LTN1: variants seen among roughly 807,000 people sequenced by gnomAD.
LTN1 encodes the protein E3 ubiquitin-protein ligase listerin.
In LTN1, 88 loss-of-function variants were observed where a neutral mutation model predicts 201.2. That is an observed-to-expected ratio of 0.44 (90% CI 0.37 to 0.52). The LOEUF (loss-of-function observed/expected upper bound fraction) is 0.52. Ranked by LOEUF, LTN1 falls within the 20% of genes least tolerant of loss-of-function variation. The pLI is 0.00. For synonymous variants in LTN1, 645 were observed against 713.5 expected (o/e 0.90, Z 1.53); for missense variants, 1,752 against 2,038.7 (o/e 0.86, Z 2.71).
chr21:28,976,561 C>T lies in LTN1; in HGVS notation c.810+4558G>A, dbSNP rs935893109. Among the ~76,000 whole-genome samples, 25 of 146,664 alleles carry T rather than the reference C, an allele frequency of 1.7e-4. 2 individuals are homozygous for T. The highest frequency in any genetic ancestry group is 3.5e-3 in the Middle Eastern group (1 of 286). ...GTTGCAGTGAGCCAAGATGACACCA[C>T]GGCACTCCAGTGTGGGCAACAAAGT... On this transcript the variant is annotated intron_variant, in intron 6 of 29. Transcript: ENST00000361371.
rs762415745 is a variant in LTN1 at position 28,956,881 on chromosome 21, T to C, written c.2960A>G (p.Lys987Arg). 1 of 1,611,644 alleles carries C rather than the reference T, an allele frequency of 6.2e-7. No individual in the cohort carries two copies. The highest frequency in any genetic ancestry group is 1.7e-5 in the Admixed American group (1 of 59,728). Residue 987 changes from lysine to arginine, a missense_variant, in exon 16 of 30, where the codon AAG (lysine) becomes AGG (arginine). By Grantham distance (26) the Lys-to-Arg change is conservative. Around this residue, in one of 3 missense-constraint regions of LTN1, gnomAD observed 1,211 missense variants for 1,312.8 expected, o/e 0.92. Transcript: ENST00000361371. Reference sequence around the variant, plus strand: ...GGGAAGTGTCTTTATGTCCTGTTCCTTAAAATCTGTTTTGAAACATTCATA... The same window carrying C: ...GGGAAGTGTCTTTATGTCCTGTTCCCTAAAATCTGTTTTGAAACATTCATA... ...LNYECFKTDF[K>R]EQDIKTLPSH...
chr21:28,965,988 G>T, intron 10 of LTN1, 82 bp from the exon 11 acceptor site: 2 of 863,706 alleles, frequency 2.3e-6, no homozygotes, highest in Non-Finnish European at 3.6e-6. Flanking sequence ...GCCCAGGCTA[G>T]TCTAGAACTC....
At chr21:28,953,874 A>C (rs1046972390) in intron 16 of LTN1, among the ~76,000 whole-genome samples, 1 of 152,160 alleles carries the variant, frequency 6.6e-6, no homozygotes, top group African/African-American at 2.4e-5. Flanking sequence ...GATACTACGA[A>C]CTACCTCACA....
intron 6 of LTN1, among the ~76,000 whole-genome samples, chr21:28,978,058 C>G (rs971442864): frequency 6.6e-6 from 1 of 151,372 alleles, no homozygotes; most frequent in African/African-American, 2.4e-5. Flanking sequence ...TTAATAGGTT[C>G]CTGCTCTTCC....
chr21:28,992,224 G>C (rs62224020), intron 1 of LTN1, among the ~76,000 whole-genome samples: 1 of 152,058 alleles, frequency 6.6e-6, no homozygotes, highest in Non-Finnish European at 1.5e-5. Flanking sequence ...ACAGTGAAGA[G>C]ATCAGTGTGG....
chr21:28,964,481 T>C (rs1568847828), intron 11 of LTN1: 1 of 1,132,636 alleles, frequency 8.8e-7, no homozygotes. Context: ...ATTGCACACT[T>C]AATAGACTGT....
rs772318991 is a variant in LTN1, at chr21:28,966,654, G to A, written c.1837C>T (p.His613Tyr). The stretch of plus-strand genomic sequence containing the variant: ...AGCAGAGTAGAAAGAAACCTTAGAT[G>A]TTGCTCTGACTTTCGTTCATTGACA... ...NYVNERKSEQ[H>Y]LRFLSTLLDS... The change falls in exon 10 of 30, where the codon CAT (histidine) becomes TAT (tyrosine). Residue 613 changes from histidine to tyrosine, a missense_variant. By Grantham distance (83) the His-to-Tyr change is moderately conservative (BLOSUM62 2). Coordinates refer to ENST00000361371, the MANE Select transcript of LTN1 (RefSeq NM_015565.3). 6.2e-7 allele frequency: 1 copy of A among 1,613,860 alleles called. No homozygotes were observed. The highest frequency in any genetic ancestry group is 1.3e-5 in the African/African-American group (1 of 74,908).
rs550460553 is a variant in LTN1, at chr21:28,943,871, T to C, written c.4016A>G (p.Gln1339Arg). Residue 1339 changes from glutamine (Q) to arginine (R), a missense_variant, in exon 23 of 30, where the codon CAG becomes CGG. Gln to Arg is a conservative substitution (Grantham distance 43, BLOSUM62 1). This residue lies in a region of LTN1 where 1,211 missense variants were observed against 1,312.8 expected (regional missense o/e 0.92). Coordinates refer to ENST00000361371, the MANE Select transcript of LTN1 (RefSeq NM_015565.3). ...ACACATGGGTTTCAGCATTGCATTC[T>C]GAAAGGATGTTTCAGACACATCTTT... ...ENKDVSETSFQNAMLKPMCET... is the reference protein window; with the variant it reads ...ENKDVSETSFRNAMLKPMCET... 2 of 1,613,402 alleles carry C rather than the reference T, an allele frequency of 1.2e-6. No homozygotes were observed. The highest frequency in any genetic ancestry group is 2.2e-5 in the South Asian group (2 of 91,064).
At position 28,966,817 on chromosome 21, in the gene LTN1, T is replaced by C; in HGVS notation, c.1674A>G (p.Ser558=). Residue 558 remains serine, a synonymous_variant, in exon 10 of 30, where the codon TCA becomes TCG. Coordinates refer to ENST00000361371, the MANE Select transcript of LTN1 (RefSeq NM_015565.3). ...CCCAGCCTTCAATCTTCTCTCCTTC[T>C]GAAGATACACATTTTTCATTCTCTT... ...SNKENEKCVS[S]EGEKIEGWEL... 3 of 1,612,448 alleles carry C rather than the reference T, an allele frequency of 1.9e-6. No individual in the cohort carries two copies. Among genetic ancestry groups the C allele is most frequent in the Non-Finnish European group, 2.5e-6 (3 of 1,179,536 alleles).
intron 16 of LTN1, 149 bp from the exon 17 acceptor site, chr21:28,953,525 G>T: frequency 1.9e-6 from 1 of 518,210 alleles, no homozygotes; most frequent in African/African-American, 2.0e-5. Flanking sequence ...GCTTTGAGAT[G>T]TTCAAGGACA....
intron 18 of LTN1, among the ~76,000 whole-genome samples, chr21:28,948,949 T>C (rs1460764716): frequency 6.6e-6 from 1 of 152,220 alleles, no homozygotes; most frequent in Non-Finnish European, 1.5e-5. Flanking sequence ...TATATGTTGG[T>C]GATCTCAAAT....
intron 1 of LTN1, among the ~76,000 whole-genome samples, chr21:28,988,913 C>T (rs184110644): frequency 1.7e-4 from 26 of 150,660 alleles, no homozygotes; most frequent in Non-Finnish European, 1.2e-4. Flanking sequence ...TGCAGTGAGT[C>T]GAGATTGCGC....
intron 27 of LTN1, among the ~76,000 whole-genome samples, chr21:28,934,762 C>A (rs908430266): frequency 1.3e-5 from 2 of 152,022 alleles, no homozygotes; most frequent in African/African-American, 2.4e-5. Flanking sequence ...CGGCCTAAAC[C>A]TCTTTTCTTT....
chr21:28,980,272 A>T (rs1425849474), intron 6 of LTN1, among the ~76,000 whole-genome samples: 1 of 151,708 alleles, frequency 6.6e-6, no homozygotes, highest in African/African-American at 2.4e-5. Flanking sequence ...TATGAGTTAG[A>T]TACGCTTTAT....
intron 7 of LTN1, 110 bp from the exon 8 acceptor site, chr21:28,970,852 A>T: frequency 1.4e-6 from 1 of 728,998 alleles, no homozygotes; most frequent in Non-Finnish European, 2.0e-6. Context: ...ATTTTACCTA[A>T]AAAAAGCTAA....
chr21:28,939,202 G>C (rs934632850), intron 25 of LTN1, among the ~76,000 whole-genome samples: 1 of 152,094 alleles, frequency 6.6e-6, no homozygotes. Flanking sequence ...ATGATTTTAA[G>C]TAGTATACAG....
At chr21:28,931,571 T>C (rs1441082791) in intron 28 of LTN1, among the ~76,000 whole-genome samples, 1 of 152,258 alleles carries the variant, frequency 6.6e-6, no homozygotes, top group East Asian at 1.9e-4. Flanking sequence ...AGTGTTATAG[T>C]CTAAGCTTGT....
chr21:28,969,685 G>C (rs537452127), intron 8 of LTN1, 84 bp from the exon 9 acceptor site: 1 of 966,830 alleles, frequency 1.0e-6, no homozygotes, highest in East Asian at 2.6e-5. Context: ...CCTCAAAAAG[G>C]CATCATGACA....
chr21:28,959,556 C>T lies in LTN1; in HGVS notation c.2495G>A (p.Ser832Asn). 1 of 1,614,018 alleles carries T rather than the reference C, an allele frequency of 6.2e-7. No individual in the cohort carries two copies. Among genetic ancestry groups the T allele is most frequent in the Non-Finnish European group, 8.5e-7 (1 of 1,179,966 alleles). ...CATTAGCAAGCATCCTTTCGCTGAG[C>T]TGAAATAGTTATAGGCCACATCACA... ...FICDVAYNYF[S>N]SAKGCLLMPS... is the part of the protein sequence containing the mutation. Residue 832 changes from serine to asparagine, a missense_variant, in exon 13 of 30, where the codon AGC (serine) becomes AAC (asparagine). This residue lies in a region of LTN1 where 1,211 missense variants were observed against 1,312.8 expected (regional missense o/e 0.92). Transcript: ENST00000361371.
Sources: gnomAD v4.1 joint callset for allele counts (sites outside exome capture counted in the v4.1 genomes callset) on GRCh38, gnomAD v4.1.1 for gene constraint, gnomAD v4.1.1 regional missense constraint, MANE v1.5 for transcripts, NCBI Gene and HGNC (gene_info 2026-07-23, HGNC 2026-07-21) for gene names.